The following SPATA16 variants were observed in gnomAD, a reference collection of about 807,000 sequenced individuals.
SPATA16 encodes spermatogenesis associated 16.
SPATA16 carries 36 observed loss-of-function variants against 63.3 expected under a neutral mutation model. That is an observed-to-expected ratio of 0.57 (90% CI 0.44 to 0.75). The LOEUF is 0.75. Ranked by LOEUF, SPATA16 falls within the 30% of genes least tolerant of loss-of-function variation. The probability of loss-of-function intolerance (pLI) is 0.00; values close to 1 mark genes in which losing one functional copy is unlikely to be tolerated. For synonymous variants in SPATA16, 203 were observed against 216.7 expected, an observed-to-expected ratio of 0.94 and a Z score of 0.56; for missense variants, 646 against 679.3, an observed-to-expected ratio of 0.95 and a Z score of 0.54.
intron 2 of SPATA16, among the ~76,000 whole-genome samples, chr3:173,050,165 CT>C (rs1344113999): frequency 2.0e-5 from 3 of 152,006 alleles, no homozygotes; most frequent in African/African-American, 7.2e-5. Flanking sequence ...TATATTAATG[CT>C]ATTGTCATTT....
At chr3:173,073,322 C>A (rs1736715617) in intron 2 of SPATA16, among the ~76,000 whole-genome samples, 1 of 152,192 alleles carries the variant, frequency 6.6e-6, no homozygotes, top group African/African-American at 2.4e-5. Context: ...TGTTAATGGT[C>A]AAGACAATGG....
At position 172,970,199 on chromosome 3, in the gene SPATA16, C is replaced by G. The variant is rs1397480232; in HGVS notation, c.933+6769G>C. Among the ~76,000 whole-genome samples the G allele has an allele frequency of 2.0e-5, 3 of 152,160 alleles. No individual in the cohort carries two copies. In the East Asian group the frequency reaches 5.8e-4, roughly 29 times the overall value. On this transcript the variant is annotated intron_variant, in intron 5 of 10. Transcript: ENST00000351008. Reference sequence around the variant, plus strand: ...TCTCAGGCCCAACCTTTTTCTCCTGCTCCGTGATGCCTATTTTCCTTTGCT... The same window carrying G: ...TCTCAGGCCCAACCTTTTTCTCCTGGTCCGTGATGCCTATTTTCCTTTGCT...
At chr3:172,923,733 G>A (rs1400300835) in intron 8 of SPATA16, among the ~76,000 whole-genome samples, 2 of 152,138 alleles carry the variant, frequency 1.3e-5, no homozygotes, top group African/African-American at 4.8e-5. Flanking sequence ...TTTACCTTAT[G>A]GCTATATAAA....
At chr3:173,000,246 C>G (rs1034486249) in intron 4 of SPATA16, among the ~76,000 whole-genome samples, 1 of 152,196 alleles carries the variant, frequency 6.6e-6, no homozygotes, top group Admixed American at 6.5e-5. Flanking sequence ...AATTTGCCAG[C>G]ACCTTAATCT....
At chr3:172,959,787 C>CATATATAT (rs66806016) in intron 5 of SPATA16, among the ~76,000 whole-genome samples, 2,098 of 135,264 alleles carry the variant, frequency 0.016, 42 homozygotes, top group African/African-American at 0.04. Context: ...AGTAATATAA[C>CATATATAT]ATATATATAT....
chr3:172,928,169 A>G (rs1732784386), intron 6 of SPATA16, among the ~76,000 whole-genome samples: 1 of 152,150 alleles, frequency 6.6e-6, no homozygotes, highest in Admixed American at 6.5e-5. Flanking sequence ...ACACCCTCCC[A>G]AAGTGTTGGG....
At chr3:173,086,212 TG>T (rs749600913) in intron 2 of SPATA16, among the ~76,000 whole-genome samples, 49 of 152,116 alleles carry the variant, frequency 3.2e-4, no homozygotes, top group Non-Finnish European at 8.8e-5. Context: ...TTTCAGAACT[TG>T]TTATTTGTCT....
chr3:172,964,425 A>G (rs1010229740), intron 5 of SPATA16, among the ~76,000 whole-genome samples: 2 of 152,322 alleles, frequency 1.3e-5, no homozygotes, highest in African/African-American at 4.8e-5. Context: ...GGGTTTCAGC[A>G]GCCTCCATAC....
chr3:173,017,529 C>T (rs779379866), intron 4 of SPATA16, among the ~76,000 whole-genome samples: 7 of 152,112 alleles, frequency 4.6e-5, no homozygotes, highest in Non-Finnish European at 7.4e-5. Context: ...TAACCTGGCT[C>T]TCCTAAAAGT....
chr3:173,028,063 CTTCCTTCCTTCCTT>C (rs1440453428), intron 3 of SPATA16, among the ~76,000 whole-genome samples: 4 of 104,152 alleles, frequency 3.8e-5, no homozygotes, highest in African/African-American at 1.7e-4. Flanking sequence ...TCCTTCCTTC[CTTCCTTCCTTCCTT>C]TCTCTCTCTC....
rs148600746 is a variant in SPATA16, at chr3:172,891,730, A to G, written c.1588-2038T>C. On this transcript the variant is annotated intron_variant, in intron 10 of 10. Coordinates refer to ENST00000351008, the MANE Select transcript of SPATA16 (RefSeq NM_031955.6). ...CTCAATTATCTGAGCACAGCCATGC[A>G]TTGTTCTATGCCCCCTCGATCTTCC... Among the ~76,000 whole-genome samples, 195 of 152,236 alleles carry G rather than the reference A, an allele frequency of 1.3e-3. 1 individual carries two copies. The highest frequency in any genetic ancestry group is 4.5e-3 in the African/African-American group (186 of 41,548).
intron 3 of SPATA16, among the ~76,000 whole-genome samples, chr3:173,037,984 T>C (rs1735753186): frequency 6.6e-6 from 1 of 152,134 alleles, no homozygotes; most frequent in Non-Finnish European, 1.5e-5. Flanking sequence ...AAATACACAT[T>C]CTTGAAATGT....
intron 1 of SPATA16, among the ~76,000 whole-genome samples, chr3:173,122,695 G>T (rs1577186582): frequency 2.0e-5 from 3 of 152,198 alleles, no homozygotes; most frequent in Middle Eastern, 6.8e-3. Flanking sequence ...GCTGTGCTAG[G>T]TCATATGAGA....
At chr3:172,977,117 A>G (rs1349962236) in intron 4 of SPATA16, 65 bp from the exon 5 acceptor site, 5 of 1,285,086 alleles carry the variant, frequency 3.9e-6, no homozygotes, top group East Asian at 2.3e-5. Context: ...GAAAACCATA[A>G]CAGGCACTAT....
At chr3:172,924,474 G>C (rs1301033309) in intron 7 of SPATA16, among the ~76,000 whole-genome samples, 157 bp from the exon 8 acceptor site, 1 of 152,110 alleles carries the variant, frequency 6.6e-6, no homozygotes, top group East Asian at 1.9e-4. Flanking sequence ...GTATAACAAA[G>C]AAAGATCTAT....
chr3:173,015,752 T>C (rs1735167947), intron 4 of SPATA16, among the ~76,000 whole-genome samples: 1 of 152,198 alleles, frequency 6.6e-6, no homozygotes, highest in Non-Finnish European at 1.5e-5. Flanking sequence ...AAAGACACCA[T>C]GATACCTGTA....
intron 4 of SPATA16, among the ~76,000 whole-genome samples, chr3:172,996,457 T>G (rs2108263699): frequency 6.6e-6 from 1 of 152,268 alleles, no homozygotes; most frequent in South Asian, 2.1e-4. Flanking sequence ...TTAAAAATTT[T>G]TATTTAAAAA....
chr3:173,129,719 T>G (rs1223241286), intron 1 of SPATA16, among the ~76,000 whole-genome samples: 1 of 152,162 alleles, frequency 6.6e-6, no homozygotes, highest in Admixed American at 6.5e-5. Context: ...AGTTGGCAAT[T>G]AATATTTACA....
At chr3:173,121,501 T>C (rs1275927171) in intron 1 of SPATA16, among the ~76,000 whole-genome samples, 1 of 152,194 alleles carries the variant, frequency 6.6e-6, no homozygotes, top group Non-Finnish European at 1.5e-5. Flanking sequence ...CAAGGAGTTA[T>C]CCATTTTTAC....
Sources: allele counts gnomAD v4.1 joint callset (sites outside exome capture counted in the v4.1 genomes callset), GRCh38; gene constraint gnomAD v4.1.1; transcripts MANE v1.5; gene names NCBI Gene and HGNC (gene_info 2026-07-23, HGNC 2026-07-21).